Variants in DIP2C observed in about 807,000 individuals in gnomAD.
DIP2C encodes the protein disco-interacting protein 2 homolog C.
A neutral mutation model predicts 192.4 loss-of-function variants in DIP2C; 33 were observed. The ratio of observed to expected loss-of-function variants is 0.17; its 90% CI spans 0.13 to 0.23. The LOEUF (loss-of-function observed/expected upper bound fraction) is 0.23, where lower values mean the gene tolerates loss of function less well. Ranked by LOEUF, DIP2C falls within the 10% of genes least tolerant of loss-of-function variation. The probability of loss-of-function intolerance (pLI) is 1.00; values close to 1 mark genes in which losing one functional copy is unlikely to be tolerated. For missense variants in DIP2C, 1,537 were observed against 2,110.1 expected (o/e 0.73, Z 5.32); for synonymous variants, 979 against 864.1 (o/e 1.13, Z -2.33).
intron 1 of DIP2C, among the ~76,000 whole-genome samples, chr10:677,707 G>C (rs117778873): frequency 6.6e-6 from 1 of 152,336 alleles, no homozygotes; most frequent in East Asian, 1.9e-4. Context: ...GAAAGCTTAT[G>C]AGAGTAGGTA....
chr10:631,867 T>C (rs1454636597), intron 1 of DIP2C, among the ~76,000 whole-genome samples: 2 of 152,228 alleles, frequency 1.3e-5, no homozygotes, highest in African/African-American at 2.4e-5. Context: ...TTTAATAAAA[T>C]CAAAAGATCC....
At chr10:356,921 A>G (rs1959108892) in intron 23 of DIP2C, among the ~76,000 whole-genome samples, 2 of 152,236 alleles carry the variant, frequency 1.3e-5, no homozygotes, top group African/African-American at 4.8e-5. Flanking sequence ...CAGTGAGAGA[A>G]TCAGATCTAT....
chr10:576,395 C>T (rs768434074), intron 1 of DIP2C, among the ~76,000 whole-genome samples: 8 of 152,232 alleles, frequency 5.3e-5, no homozygotes, highest in Non-Finnish European at 1.2e-4. Flanking sequence ...GTCAGACAGG[C>T]CTGGTCTCAG....
intron 1 of DIP2C, among the ~76,000 whole-genome samples, chr10:541,752 C>T (rs1012005794): frequency 6.6e-6 from 1 of 150,376 alleles, no homozygotes; most frequent in African/African-American, 2.5e-5. Context: ...CTGACCACAC[C>T]CATCTCTCCT....
intron 4 of DIP2C, among the ~76,000 whole-genome samples, chr10:423,566 A>T (rs1966360274): frequency 6.6e-6 from 1 of 151,760 alleles, no homozygotes; most frequent in Non-Finnish European, 1.5e-5. Flanking sequence ...TTTCTATGTC[A>T]GTGTGTTAGA....
chr10:446,111 T>C (rs896649798), intron 3 of DIP2C, among the ~76,000 whole-genome samples: 5 of 149,170 alleles, frequency 3.4e-5, no homozygotes, highest in Admixed American at 2.6e-4. Context: ...CATGGTCCAC[T>C]GGGCAACTGT....
At chr10:482,516 C>T (rs1843681385) in intron 2 of DIP2C, among the ~76,000 whole-genome samples, 1 of 152,202 alleles carries the variant, frequency 6.6e-6, no homozygotes, top group African/African-American at 2.4e-5. Context: ...GTCCTTGTAA[C>T]TTGCACCTGG....
At chr10:565,990 A>G (rs1849447367) in intron 1 of DIP2C, among the ~76,000 whole-genome samples, 1 of 152,196 alleles carries the variant, frequency 6.6e-6, no homozygotes, top group Non-Finnish European at 1.5e-5. Context: ...GACTCCTGCA[A>G]AGGCCGGCAT....
intron 1 of DIP2C, among the ~76,000 whole-genome samples, chr10:550,722 C>A (rs888186296): frequency 6.6e-6 from 1 of 152,196 alleles, no homozygotes; most frequent in Non-Finnish European, 1.5e-5. Context: ...CCCCTCTCCC[C>A]CTACGATTTT....
chr10:585,999 G>A (rs778279379), intron 1 of DIP2C, among the ~76,000 whole-genome samples: 1 of 152,146 alleles, frequency 6.6e-6, no homozygotes, highest in Non-Finnish European at 1.5e-5. Context: ...GTCTCAACGG[G>A]CCTCAAGGAG....
intron 1 of DIP2C, among the ~76,000 whole-genome samples, chr10:660,632 T>A (rs1856699462): frequency 6.6e-6 from 1 of 152,220 alleles, no homozygotes; most frequent in Non-Finnish European, 1.5e-5. Context: ...GTGCACCTGC[T>A]TTTCAAGGGC....
chr10:357,951 G>C lies in DIP2C; in HGVS notation c.2795-14C>G. On this transcript the variant is annotated splice_polypyrimidine_tract_variant and intron_variant, in intron 22 of 36. Transcript: ENST00000280886. ...CAGGGCCGATTTCTAGAAAGAAACA[G>C]AGACATGGCCATGAGGAAACAAAAG... is the stretch of plus-strand genomic sequence containing the variant. 2.5e-6 allele frequency: 4 copies of C among 1,591,598 alleles called. No individual in the cohort carries two copies. The African/African-American group carries it at 4.0e-5, about 16-fold the overall frequency.
At chr10:588,903 G>C (rs770849514) in intron 1 of DIP2C, among the ~76,000 whole-genome samples, 4 of 152,204 alleles carry the variant, frequency 2.6e-5, no homozygotes, top group African/African-American at 4.8e-5. Context: ...ACGTTTGTGT[G>C]AGTTCAGTTT....
intron 1 of DIP2C, among the ~76,000 whole-genome samples, chr10:534,635 T>C (rs1326879561): frequency 6.6e-6 from 1 of 151,960 alleles, no homozygotes; most frequent in Admixed American, 6.6e-5. Flanking sequence ...CCTCCCAGGC[T>C]GTCATCTTAC....
intron 4 of DIP2C, among the ~76,000 whole-genome samples, chr10:436,955 C>G (rs1216431049): frequency 6.8e-6 from 1 of 147,000 alleles, no homozygotes; most frequent in Non-Finnish European, 1.5e-5. Context: ...CCACCCACAC[C>G]TGAGCTCTCT....
chr10:425,346 C>T, intron 4 of DIP2C, among the ~76,000 whole-genome samples: 1 of 113,576 alleles, frequency 8.8e-6, no homozygotes, highest in Non-Finnish European at 1.8e-5. Context: ...TACAGCATGA[C>T]CAGCGGTGAC....
At chr10:594,527 CG>C (rs1718587553) in intron 1 of DIP2C, among the ~76,000 whole-genome samples, 2 of 151,682 alleles carry the variant, frequency 1.3e-5, no homozygotes, top group African/African-American at 4.9e-5. Flanking sequence ...GGAACATGGC[CG>C]AGTACAGACC....
At position 534,672 on chromosome 10, in the gene DIP2C, T is replaced by TA. The variant is rs35960380; in HGVS notation, c.86-48143_86-48142insT. Among the ~76,000 whole-genome samples the TA allele has an allele frequency of 1.4e-4, 11 of 76,246 alleles. No homozygotes were observed. In the Admixed American group the frequency reaches 1.5e-3, roughly 10 times the overall value. 50.0% of individuals were successfully genotyped at this position (76,246 alleles called of 152,430 possible). ...GTGTTTGTCTGCTGGATGATTATTA[T>TA]TTTTTTTTTTTTTTTGAGACGGAGT... On this transcript the variant is annotated intron_variant, in intron 1 of 36. Transcript: ENST00000280886.
chr10:472,545 C>T lies in DIP2C; in HGVS notation c.162G>A (p.Val54=). ...GGCGTTCTTGCGGCAAAGCTTGGTC[C>T]ACCCCTGGATTTCAATAAAAACAGC... ...IGAYLPQPPR[V]DQALPQERRA... is the part of the protein sequence containing the mutation. Residue 54 remains valine, a synonymous_variant, in exon 3 of 37, where the codon GTG becomes GTA. Coordinates refer to ENST00000280886, the MANE Select transcript of DIP2C (RefSeq NM_014974.3). 1 of 1,613,976 alleles carries T rather than the reference C, an allele frequency of 6.2e-7. No individual in the cohort carries two copies. The highest frequency in any genetic ancestry group is 8.5e-7 in the Non-Finnish European group (1 of 1,179,936).
Sources: gnomAD v4.1 joint callset for allele counts (sites outside exome capture counted in the v4.1 genomes callset) on GRCh38, gnomAD v4.1.1 for gene constraint, MANE v1.5 for transcripts, NCBI Gene and HGNC (gene_info 2026-07-23, HGNC 2026-07-21) for gene names.